Variants in ZNF423 observed in about 807,000 individuals in gnomAD.
ZNF423 encodes the protein zinc finger protein 423.
In ZNF423, 12 loss-of-function variants were observed where a neutral mutation model predicts 95.8. That is an observed-to-expected ratio of 0.13 (90% CI 0.08 to 0.20). The LOEUF is 0.20. ZNF423 is among the 10% of genes least tolerant of loss of function. The pLI, the probability that ZNF423 is intolerant of heterozygous loss-of-function variation, is 1.00. For synonymous variants in ZNF423, 749 were observed against 711.9 expected (o/e 1.05, Z -0.83); for missense variants, 1,316 against 1,737.1 (o/e 0.76, Z 4.31).
At chr16:49,735,471 C>T (rs1304253742) in intron 2 of ZNF423, among the ~76,000 whole-genome samples, 2 of 152,210 alleles carry the variant, frequency 1.3e-5, no homozygotes, top group Admixed American at 1.3e-4. Flanking sequence ...ATATCTCCCA[C>T]CCCACCTGCC....
chr16:49,822,596 A>T, intron 1 of ZNF423: 1 of 1,275,280 alleles, frequency 7.8e-7, no homozygotes, highest in Non-Finnish European at 1.1e-6. Flanking sequence ...AAGAGAACTA[A>T]GCTCTAGTTC....
intron 2 of ZNF423, among the ~76,000 whole-genome samples, chr16:49,771,368 C>T (rs949241374): frequency 6.6e-6 from 1 of 151,886 alleles, no homozygotes; most frequent in East Asian, 1.9e-4. Context: ...CCAAACCTGG[C>T]TAATTTTTGT....
chr16:49,705,165 G>C (rs1411875512), intron 3 of ZNF423, among the ~76,000 whole-genome samples: 2 of 152,192 alleles, frequency 1.3e-5, no homozygotes, highest in African/African-American at 2.4e-5. Flanking sequence ...GGTACATCAG[G>C]AGACAGATGT....
In ZNF423 at chr16:49,637,515, G is replaced by A. The variant is rs752217613; in HGVS notation, c.1661C>T (p.Ala554Val). The stretch of plus-strand genomic sequence containing the variant: ...CTGCACCACCGGAGACTCTAGTTTG[G>A]CACTGCCCACACTGCAGTGGGCCTG... ...IQQAHCSVGSAKLESPVVQPT... is the reference protein window; with the variant it reads ...IQQAHCSVGSVKLESPVVQPT... The change falls in exon 4 of 8, where the codon GCC becomes GTC. Residue 554 changes from alanine to valine, a missense_variant. Transcript: ENST00000563137. This position sits in a 1 kb window ranked among gnomAD's most constrained non-coding sequence, Gnocchi z 5.6. 1 of 1,614,128 alleles carries A rather than the reference G, an allele frequency of 6.2e-7. No homozygotes were observed. The highest frequency in any genetic ancestry group is 2.2e-5 in the East Asian group (1 of 44,882).
At chr16:49,703,179 T>C (rs1435597779) in intron 3 of ZNF423, among the ~76,000 whole-genome samples, 1 of 152,224 alleles carries the variant, frequency 6.6e-6, no homozygotes, top group East Asian at 1.9e-4. Flanking sequence ...GCGACCTGCT[T>C]AACCGTGTCA....
At chr16:49,631,645 T>C (rs1392626678) in intron 4 of ZNF423, among the ~76,000 whole-genome samples, 1 of 151,790 alleles carries the variant, frequency 6.6e-6, no homozygotes, top group Non-Finnish European at 1.5e-5. Context: ...GAAAACACAC[T>C]TGAGAATGGC....
intron 5 of ZNF423, among the ~76,000 whole-genome samples, chr16:49,581,187 AAT>A (rs1366165869): frequency 6.6e-6 from 1 of 152,198 alleles, no homozygotes; most frequent in African/African-American, 2.4e-5. Context: ...ACTCTAATGT[AAT>A]CAGAAGAACA....
intron 3 of ZNF423, among the ~76,000 whole-genome samples, chr16:49,699,588 G>T (rs1368440300): frequency 6.6e-6 from 1 of 152,184 alleles, no homozygotes. Flanking sequence ...GTTTTCAAAA[G>T]AATCTAAGTT....
intron 5 of ZNF423, among the ~76,000 whole-genome samples, chr16:49,597,681 C>T (rs1367047990): frequency 2.6e-5 from 4 of 152,086 alleles, no homozygotes; most frequent in Non-Finnish European, 4.4e-5. Context: ...TCTTAGGTAC[C>T]GTGTAAATGG....
intron 1 of ZNF423, among the ~76,000 whole-genome samples, chr16:49,842,595 A>T (rs993500169): frequency 1.8e-4 from 28 of 152,144 alleles, no homozygotes; most frequent in Admixed American, 1.3e-4. Flanking sequence ...GGGGGAAAAA[A>T]TAAAAGGCAA....
chr16:49,662,499 C>T (rs145964676), intron 3 of ZNF423, among the ~76,000 whole-genome samples: 51 of 152,260 alleles, frequency 3.3e-4, no homozygotes, highest in African/African-American at 1.2e-3. Flanking sequence ...TCTATAAATA[C>T]GAATAAGTGC....
In ZNF423 at chr16:49,672,803, G is replaced by A. The variant is rs529709541; in HGVS notation, c.302-33929C>T. 1.3e-4 allele frequency among the ~76,000 whole-genome samples: 20 copies of A among 152,256 alleles called. No individual in the cohort carries two copies. In the East Asian group the frequency reaches 3.7e-3, roughly 28 times the overall value. On this transcript the variant is annotated intron_variant, in intron 3 of 7. Coordinates refer to ENST00000563137, the MANE Select transcript of ZNF423 (RefSeq NM_001379286.1). ...ATTACACTCCAGTCTGGGCGACAGA[G>A]TGAAACTCCATCTCAAAAAAATTTA...
intron 4 of ZNF423, among the ~76,000 whole-genome samples, chr16:49,627,381 C>T (rs1277370150): frequency 6.7e-6 from 1 of 148,232 alleles, no homozygotes; most frequent in Non-Finnish European, 1.5e-5. Flanking sequence ...CATCCATCCT[C>T]CATCTACCTA....
At chr16:49,662,642 T>C (rs1450944877) in intron 3 of ZNF423, among the ~76,000 whole-genome samples, 2 of 152,112 alleles carry the variant, frequency 1.3e-5, no homozygotes, top group East Asian at 3.8e-4. Flanking sequence ...CAGTCCGTAG[T>C]AAATCACGTG....
chr16:49,848,907 C>T (rs2035273735), intron 1 of ZNF423, among the ~76,000 whole-genome samples: 1 of 152,190 alleles, frequency 6.6e-6, no homozygotes, highest in Non-Finnish European at 1.5e-5. Context: ...TCGAAGGTCA[C>T]TGCTTCTTGG....
chr16:49,807,021 T>TG (rs2034674700), intron 1 of ZNF423, among the ~76,000 whole-genome samples: 1 of 147,646 alleles, frequency 6.8e-6, no homozygotes, highest in South Asian at 2.2e-4. Flanking sequence ...AGCAAGACTC[T>TG]GACTCCAAAA....
intron 3 of ZNF423, among the ~76,000 whole-genome samples, chr16:49,693,741 G>A (rs1389183759): frequency 2.0e-5 from 3 of 152,174 alleles, no homozygotes; most frequent in Admixed American, 6.5e-5. Context: ...TGGGGCCACC[G>A]GAGGAAGGGG....
At chr16:49,594,967 C>T (rs1038420965) in intron 5 of ZNF423, among the ~76,000 whole-genome samples, 2 of 152,314 alleles carry the variant, frequency 1.3e-5, no homozygotes, top group East Asian at 1.9e-4. Context: ...AAAACACAGA[C>T]AAGGCCCAGC....
chr16:49,777,840 C>T (rs1190432892), intron 2 of ZNF423, among the ~76,000 whole-genome samples: 4 of 152,156 alleles, frequency 2.6e-5, no homozygotes, highest in Non-Finnish European at 1.5e-5. Flanking sequence ...CCCTGTCTGG[C>T]ACCAAGTGGA....
Sources: allele counts gnomAD v4.1 joint callset (sites outside exome capture counted in the v4.1 genomes callset), GRCh38; gene constraint gnomAD v4.1.1; non-coding constraint Gnocchi (gnomAD v3.1); transcripts MANE v1.5; gene names NCBI Gene and HGNC (gene_info 2026-07-23, HGNC 2026-07-21).